The following NCOA3 variants were observed in gnomAD, a reference collection of about 807,000 sequenced individuals.
NCOA3 encodes the protein nuclear receptor coactivator 3.
NCOA3 carries 51 observed loss-of-function variants against 158.8 expected under a neutral mutation model. The ratio of observed to expected loss-of-function variants is 0.32; its 90% confidence interval spans 0.26 to 0.41. The LOEUF (loss-of-function observed/expected upper bound fraction) is 0.41, where lower values mean the gene tolerates loss of function less well. NCOA3 is among the 10% of genes least tolerant of loss of function. The probability of loss-of-function intolerance (pLI) is 1.00; values close to 1 mark genes in which losing one functional copy is unlikely to be tolerated. For synonymous variants in NCOA3, 537 were observed against 592.4 expected (o/e 0.91, Z 1.36); for missense variants, 1,510 against 1,746.6 (o/e 0.86, Z 2.41).
chr20:47,546,743 C>G (rs932049869), intron 1 of NCOA3, among the ~76,000 whole-genome samples: 4 of 152,032 alleles, frequency 2.6e-5, no homozygotes, highest in African/African-American at 9.7e-5. Flanking sequence ...GTTGGTCAGG[C>G]TGGTCTTGAA....
intron 1 of NCOA3, among the ~76,000 whole-genome samples, chr20:47,535,046 T>A (rs1214163509): frequency 6.6e-6 from 1 of 151,896 alleles, no homozygotes; most frequent in Non-Finnish European, 1.5e-5. Flanking sequence ...TTTAAATAAT[T>A]AGCGTTATTA....
intron 1 of NCOA3, among the ~76,000 whole-genome samples, chr20:47,557,832 T>C (rs2085031470): frequency 6.6e-6 from 1 of 152,170 alleles, no homozygotes. Flanking sequence ...ACTAACAATA[T>C]ACTGCTAGTC....
Position 47,656,465 on chromosome 20 carries a change from T to C in NCOA3, c.*3048T>C, listed in dbSNP as rs559959730. 1 of 152,274 alleles carries C rather than the reference T, an allele frequency of 6.6e-6. No individual in the cohort carries two copies. The highest frequency in any genetic ancestry group is 2.4e-5 in the African/African-American group (1 of 41,444). 9.4% of individuals were successfully genotyped at this position (152,274 alleles called of 1,614,324 possible). A position where few individuals can be genotyped will look rare whatever the true frequency, so the allele number is the denominator to read the frequency against. On this transcript the variant is annotated 3_prime_UTR_variant, in exon 23 of 23. Transcript: ENST00000371998. ...GCAGCTGAAAGTAAACAGAATGGAT[T>C]GCCAGTTACATGTATGCCTGCCCAG...
intron 1 of NCOA3, among the ~76,000 whole-genome samples, chr20:47,530,296 G>C (rs2084523822): frequency 6.6e-6 from 1 of 152,150 alleles, no homozygotes; most frequent in East Asian, 1.9e-4. Flanking sequence ...TTTAGTTACA[G>C]TGCTGCATAC....
intron 1 of NCOA3, among the ~76,000 whole-genome samples, chr20:47,578,149 A>G (rs1309027087): frequency 6.6e-6 from 1 of 151,842 alleles, no homozygotes; most frequent in Admixed American, 6.6e-5. Flanking sequence ...AGTTAAGTTT[A>G]TATAGCTCAA....
At chr20:47,553,904 G>A (rs2084962153) in intron 1 of NCOA3, among the ~76,000 whole-genome samples, 1 of 152,062 alleles carries the variant, frequency 6.6e-6, no homozygotes, top group Non-Finnish European at 1.5e-5. Flanking sequence ...AATCCTTTGG[G>A]TATATGCCCA....
intron 1 of NCOA3, among the ~76,000 whole-genome samples, chr20:47,566,172 C>T (rs2085191706): frequency 6.6e-6 from 1 of 152,098 alleles, no homozygotes; most frequent in African/African-American, 2.4e-5. Context: ...ATCCACCTGC[C>T]TCGGCCTCCC....
chr20:47,565,641 G>T (rs952311994), intron 1 of NCOA3, among the ~76,000 whole-genome samples: 2 of 152,098 alleles, frequency 1.3e-5, no homozygotes, highest in African/African-American at 4.8e-5. Flanking sequence ...ACTTCACCCT[G>T]GGAGGCAGAG....
At chr20:47,517,612 G>T (rs1288448385) in intron 1 of NCOA3, among the ~76,000 whole-genome samples, 1 of 151,704 alleles carries the variant, frequency 6.6e-6, no homozygotes, top group African/African-American at 2.4e-5. Flanking sequence ...TACTACACCT[G>T]GCTAATTTTT....
Position 47,656,554 on chromosome 20 carries a change from C to T in NCOA3, c.*3137C>T, listed in dbSNP as rs1174219844. The T allele has an allele frequency of 2.6e-5, 4 of 152,498 alleles. No individual in the cohort carries two copies. Among genetic ancestry groups the T allele is most frequent in the Admixed American group, 2.6e-4 (4 of 15,276 alleles). 9.4% of individuals were successfully genotyped at this position (152,498 alleles called of 1,614,324 possible). The stretch of plus-strand genomic sequence containing the variant: ...AATTAGGTTCCTAGGAGCAAAACCT[C>T]AAGGATTGATTTATTGTTTTCAACT... On this transcript the variant is annotated 3_prime_UTR_variant, in exon 23 of 23. Coordinates refer to ENST00000371998, the MANE Select transcript of NCOA3 (RefSeq NM_181659.3).
At chr20:47,614,383 G>GT (rs1405330046) in intron 2 of NCOA3, among the ~76,000 whole-genome samples, 5 of 152,174 alleles carry the variant, frequency 3.3e-5, no homozygotes, top group African/African-American at 7.2e-5. Context: ...CCAAGAACTT[G>GT]TTTTTTCTGA....
intron 19 of NCOA3, among the ~76,000 whole-genome samples, chr20:47,649,432 T>C (rs2086745172): frequency 6.6e-6 from 1 of 152,200 alleles, no homozygotes; most frequent in South Asian, 2.1e-4. Context: ...TAAATGTTCC[T>C]CTGTTCCTGG....
intron 8 of NCOA3, chr20:47,631,350 T>G (rs2086415278): frequency 1.3e-5 from 2 of 152,240 alleles, no homozygotes; most frequent in Non-Finnish European, 2.9e-5. Flanking sequence ...TGCTTTCACA[T>G]CATATCAGTC....
At chr20:47,537,582 G>GTTT (rs529005842) in intron 1 of NCOA3, among the ~76,000 whole-genome samples, 2 of 142,222 alleles carry the variant, frequency 1.4e-5, no homozygotes, top group Non-Finnish European at 3.1e-5. Flanking sequence ...TTTACATAGG[G>GTTT]TTTTTTTTTT....
At chr20:47,547,165 T>C (rs1172022230) in intron 1 of NCOA3, among the ~76,000 whole-genome samples, 1 of 152,172 alleles carries the variant, frequency 6.6e-6, no homozygotes, top group Non-Finnish European at 1.5e-5. Context: ...CATTGCTCAC[T>C]GACATATCTC....
rs1602551353 is a variant in NCOA3 at position 47,652,490 on chromosome 20, A to G, written c.4031A>G (p.Gln1344Arg). The G allele has an allele frequency of 6.2e-7, 1 of 1,614,156 alleles. No homozygotes were observed. The highest frequency in any genetic ancestry group is 8.5e-7 in the Non-Finnish European group (1 of 1,179,966). Residue 1344 changes from glutamine (Q) to arginine (R), a missense_variant, in exon 21 of 23, where the codon CAG becomes CGG. Coordinates refer to ENST00000371998, the MANE Select transcript of NCOA3 (RefSeq NM_181659.3). ...ATGTCGTCAAGAATGGGTCCCTCCCAGAATCCCATGATGCAACACCCGCAG... is the reference window on the plus strand; with the variant it reads ...ATGTCGTCAAGAATGGGTCCCTCCCGGAATCCCATGATGCAACACCCGCAG... ...AMMSSRMGPS[Q>R]NPMMQHPQAA...
chr20:47,603,612 G>C (rs1015395991), intron 2 of NCOA3, among the ~76,000 whole-genome samples: 2 of 152,224 alleles, frequency 1.3e-5, no homozygotes, highest in Admixed American at 6.5e-5. Flanking sequence ...GTGAATGTGG[G>C]GATTTTATTG....
At chr20:47,594,491 C>T (rs932045112) in intron 2 of NCOA3, among the ~76,000 whole-genome samples, 5 of 151,192 alleles carry the variant, frequency 3.3e-5, no homozygotes, top group South Asian at 2.1e-4. Context: ...GATGAGATCT[C>T]GTCTCTACTA....
chr20:47,561,944 A>T (rs1361389786), intron 1 of NCOA3, among the ~76,000 whole-genome samples: 2 of 151,946 alleles, frequency 1.3e-5, no homozygotes, highest in East Asian at 3.8e-4. Context: ...ATCTCAGGCA[A>T]CCATTGATCA....
Sources: gnomAD v4.1 joint callset for allele counts (sites outside exome capture counted in the v4.1 genomes callset) on GRCh38, gnomAD v4.1.1 for gene constraint, MANE v1.5 for transcripts, NCBI Gene and HGNC (gene_info 2026-07-23, HGNC 2026-07-21) for gene names.